PIK3R2: variants seen among roughly 807,000 people sequenced by gnomAD.
PIK3R2 encodes phosphoinositide-3-kinase regulatory subunit 2, also known as phosphatidylinositol 3-kinase regulatory subunit beta.
A neutral mutation model predicts 78.5 loss-of-function variants in PIK3R2; 40 were observed. The observed-to-expected ratio is 0.51, with a 90% CI of 0.40 to 0.66. The LOEUF is 0.66. Ranked by LOEUF, PIK3R2 falls within the 30% of genes least tolerant of loss-of-function variation. PIK3R2 has a pLI of 0.00. For synonymous variants in PIK3R2, 473 were observed against 457.7 expected (o/e 1.03, Z -0.43); for missense variants, 880 against 1,026.6 (o/e 0.86, Z 1.95).
At chr19:18,164,690 C>CTG (rs1240715619) in intron 11 of PIK3R2, among the ~76,000 whole-genome samples, 2 of 145,548 alleles carry the variant, frequency 1.4e-5, no homozygotes. Flanking sequence ...GGCTAGAGTG[C>CTG]TGTGGCATGA....
At chr19:18,162,938 T>C in intron 9 of PIK3R2, 29 bp from the exon 10 acceptor site, 1 of 1,606,296 alleles carries the variant, frequency 6.2e-7, no homozygotes, top group Non-Finnish European at 8.5e-7. Flanking sequence ...GGGGTCCCAC[T>C]GGGTGCCGAC....
intron 11 of PIK3R2, among the ~76,000 whole-genome samples, chr19:18,165,717 A>G (rs1223816140): frequency 1.3e-5 from 2 of 152,158 alleles, no homozygotes; most frequent in Non-Finnish European, 2.9e-5. Context: ...TGGACAAGAC[A>G]GTTGTCCAGG....
At position 18,166,274 on chromosome 19, in the gene PIK3R2, C is replaced by T. The variant is rs139351110; in HGVS notation, c.1531C>T (p.Arg511Cys). Residue 511 changes from arginine (R) to cysteine (C), a missense_variant, in exon 12 of 16, where the codon CGT (arginine) becomes TGT (cysteine). Physicochemically the swap from Arg to Cys is radical, Grantham distance 180. Transcript: ENST00000222254. ...CSKEYLERFR[R>C]EGNEKEMQRI... ...CAAGGAATACCTGGAGCGCTTCCGG[C>T]GTGAGGGCAACGAGAAAGAGATGCA... 7 of 1,613,986 alleles carry T rather than the reference C, an allele frequency of 4.3e-6. No individual in the cohort carries two copies. The African/African-American group carries it at 8.0e-5, about 18-fold the overall frequency.
Position 18,167,230 on chromosome 19 carries a change from A to C in PIK3R2, c.1660A>C (p.Arg554=), listed in dbSNP as rs1242487493. Residue 554 remains arginine (R), a synonymous_variant, in exon 13 of 16, where the codon AGA becomes CGA. Transcript: ENST00000222254. This position sits in a 1 kb window ranked among gnomAD's most constrained non-coding sequence, Gnocchi z 4.5. ...QQLRAQASDN[R]EIDKRMNSLK... is the part of the protein sequence containing the mutation. ...GCTGCGGGCCCAGGCCTCGGACAACAGAGAGATCGACAAGCGCATGAACAG... is the reference window on the plus strand; with the variant it reads ...GCTGCGGGCCCAGGCCTCGGACAACCGAGAGATCGACAAGCGCATGAACAG... 1 of 1,613,064 alleles carries C rather than the reference A, an allele frequency of 6.2e-7. No individual in the cohort carries two copies. Among genetic ancestry groups the C allele is most frequent in the East Asian group, 2.2e-5 (1 of 44,738 alleles).
chr19:18,161,287 G>T lies in PIK3R2; in HGVS notation c.607G>T (p.Gly203Trp). The T allele has an allele frequency of 7.2e-7, 1 of 1,388,150 alleles. No individual in the cohort carries two copies. The highest frequency in any genetic ancestry group is 9.3e-7 in the Non-Finnish European group (1 of 1,079,180). 86.0% of individuals were successfully genotyped at this position (1,388,150 alleles called of 1,614,324 possible). The part of the protein sequence containing the change: ...EARRALREAA[G>W]PVGPALEPPT... ...TGGCCATCTGTCCGCAGAGGCCGCG[G>T]GGCCCGTGGGGCCGGCGCTGGAGCC... The change falls in exon 6 of 16, where the codon GGG becomes TGG. Residue 203 changes from glycine (G) to tryptophan (W), a missense_variant. Physicochemically the swap from Gly to Trp is radical, Grantham distance 184. Coordinates refer to ENST00000222254, the MANE Select transcript of PIK3R2 (RefSeq NM_005027.4). The surrounding 1 kb of genome is among the most constrained non-coding windows in gnomAD (Gnocchi z 5.3).
chr19:18,162,653 G>A lies in PIK3R2; in HGVS notation c.1109+147G>A. The A allele has an allele frequency of 4.4e-6, 3 of 687,918 alleles. No individual in the cohort carries two copies. In the East Asian group the frequency reaches 8.2e-5, roughly 19 times the overall value. 42.6% of individuals were successfully genotyped at this position (687,918 alleles called of 1,614,324 possible). A position where few individuals can be genotyped will look rare whatever the true frequency, so the allele number is the denominator to read the frequency against. On this transcript the variant is annotated intron_variant, in intron 9 of 15. Coordinates refer to ENST00000222254, the MANE Select transcript of PIK3R2 (RefSeq NM_005027.4). ...AATCCCAGCACTTTGGGAGGCTGAG[G>A]CTGGCAGAACACCTGAGGTCAGGAG... is the stretch of plus-strand genomic sequence containing the variant.
rs543973599 is a variant in PIK3R2, at chr19:18,161,627, T to C, written c.815+132T>C. Reference sequence around the variant, plus strand: ...GGGTCCAGAGTGAGAAGCTGCGTTCTTGTGATGACGGAGCGGAGACCTGGG... The same window carrying C: ...GGGTCCAGAGTGAGAAGCTGCGTTCCTGTGATGACGGAGCGGAGACCTGGG... On this transcript the variant is annotated intron_variant, in intron 6 of 15. Transcript: ENST00000222254. This position sits in a 1 kb window ranked among gnomAD's most constrained non-coding sequence, Gnocchi z 5.3. 1.0e-4 allele frequency: 51 copies of C among 491,734 alleles called. No individual in the cohort carries two copies. The highest frequency in any genetic ancestry group is 7.3e-4 in the South Asian group (20 of 27,304). The allele number at this position is 491,734 out of a possible 1,614,324, so 30.5% of individuals were successfully genotyped here.
At position 18,169,370 on chromosome 19, in the gene PIK3R2, AC is replaced by A; in HGVS notation, c.*78del. On this transcript the variant is annotated 3_prime_UTR_variant, in exon 16 of 16. Coordinates refer to ENST00000222254, the MANE Select transcript of PIK3R2 (RefSeq NM_005027.4). ...GAGGCTGCGGCGGCGGGAGCCACGG[AC>A]CAGACCAGCCACATCCAGGGGTCCT... 2.4e-6 allele frequency: 2 copies of A among 825,028 alleles called. No individual in the cohort carries two copies. Among genetic ancestry groups the A allele is most frequent in the Non-Finnish European group, 3.3e-6 (2 of 614,926 alleles). The allele number at this position is 825,028 out of a possible 1,614,324, so 51.1% of individuals were successfully genotyped here.
Position 18,169,233 on chromosome 19 carries a change from C to G in PIK3R2, c.2126C>G (p.Thr709Ser), listed in dbSNP as rs1256718573. The G allele has an allele frequency of 6.3e-7, 1 of 1,595,074 alleles. No homozygotes were observed. Among genetic ancestry groups the G allele is most frequent in the Non-Finnish European group, 8.5e-7 (1 of 1,176,934 alleles). The change falls in exon 16 of 16, where the codon ACC becomes AGC. Residue 709 changes from threonine to serine, a missense_variant. Physicochemically the swap from Thr to Ser is moderately conservative, Grantham distance 58. Coordinates refer to ENST00000222254, the MANE Select transcript of PIK3R2 (RefSeq NM_005027.4). ...CTGGTGCAGCACAACGACGCGCTCA[C>G]CGTCACCCTGGCGCACCCAGTGCGC... is the stretch of plus-strand genomic sequence containing the variant. ...ASLVQHNDAL[T>S]VTLAHPVRAP...
intron 2 of PIK3R2, 67 bp from the exon 3 acceptor site, chr19:18,160,404 C>T: frequency 4.0e-6 from 4 of 989,012 alleles, no homozygotes; most frequent in Non-Finnish European, 6.5e-6. Flanking sequence ...GTTCAGCCAG[C>T]AAAGAGAGGG....
Position 18,170,420 on chromosome 19 carries a change from A to C in PIK3R2, c.*1126A>C, listed in dbSNP as rs1967159727. The stretch of plus-strand genomic sequence containing the variant: ...CCTCTTTCCTCTCCTCTTTTGGGAC[A>C]AGAGCCCTGGTTTTCTACGCTGCCC... On this transcript the variant is annotated 3_prime_UTR_variant, in exon 16 of 16. Coordinates refer to ENST00000222254, the MANE Select transcript of PIK3R2 (RefSeq NM_005027.4). The C allele has an allele frequency of 6.6e-6, 1 of 152,076 alleles. No individual in the cohort carries two copies. The highest frequency in any genetic ancestry group is 2.4e-5 in the African/African-American group (1 of 41,390). 9.4% of individuals were successfully genotyped at this position (152,076 alleles called of 1,614,324 possible). A position where few individuals can be genotyped will look rare whatever the true frequency, so the allele number is the denominator to read the frequency against.
Position 18,169,727 on chromosome 19 carries a change from G to C in PIK3R2, c.*433G>C, listed in dbSNP as rs1967136725. The C allele has an allele frequency of 4.9e-6, 1 of 206,024 alleles. No individual in the cohort carries two copies. Among genetic ancestry groups the C allele is most frequent in the African/African-American group, 2.3e-5 (1 of 43,708 alleles). 12.8% of individuals were successfully genotyped at this position (206,024 alleles called of 1,614,324 possible). On this transcript the variant is annotated 3_prime_UTR_variant, in exon 16 of 16. Coordinates refer to ENST00000222254, the MANE Select transcript of PIK3R2 (RefSeq NM_005027.4). ...TGGGCACCCTGATTTTTAAGCCATA[G>C]ACCTGGGGTCAGGGCAGGAAGGAAC...
At chr19:18,166,791 A>G (rs960632363) in intron 12 of PIK3R2, among the ~76,000 whole-genome samples, 3 of 151,766 alleles carry the variant, frequency 2.0e-5, no homozygotes, top group Admixed American at 6.6e-5. Context: ...CAGCATATGC[A>G]CAGGCTCAGA....
At chr19:18,169,010 G>T (rs959013718) in intron 15 of PIK3R2, 77 bp from the exon 16 acceptor site, 15 of 1,556,728 alleles carry the variant, frequency 9.6e-6, no homozygotes, top group Non-Finnish European at 9.7e-6. Flanking sequence ...CGGGACAGGG[G>T]AGCACGCGGC....
chr19:18,163,954 C>T (rs1413996402), intron 11 of PIK3R2, among the ~76,000 whole-genome samples: 1 of 152,024 alleles, frequency 6.6e-6, no homozygotes, highest in East Asian at 1.9e-4. Flanking sequence ...TGTTGAAACC[C>T]TGTCTCTACT....
rs201176148 is a variant in PIK3R2, at chr19:18,166,149, C to T, written c.1417-11C>T. Reference sequence around the variant, plus strand: ...GTCCCAGGAGGTGCTGAGCTGCGCCCCCTCCTCCAGGAGCTGCAGATGAAG... The same window carrying T: ...GTCCCAGGAGGTGCTGAGCTGCGCCTCCTCCTCCAGGAGCTGCAGATGAAG... On this transcript the variant is annotated splice_polypyrimidine_tract_variant and intron_variant, in intron 11 of 15. Coordinates refer to ENST00000222254, the MANE Select transcript of PIK3R2 (RefSeq NM_005027.4). 2.6e-5 allele frequency: 42 copies of T among 1,613,786 alleles called. No homozygotes were observed. The East Asian group carries it at 9.4e-4, about 36-fold the overall frequency.
At chr19:18,162,373 T>C (rs1239660208) in intron 8 of PIK3R2, 35 bp from the exon 9 acceptor site, 1 of 1,605,414 alleles carries the variant, frequency 6.2e-7, no homozygotes, top group Admixed American at 1.7e-5. Flanking sequence ...GGTCTCCAGG[T>C]GGCTCGGCAG....
In PIK3R2 at chr19:18,160,462, C is replaced by T; in HGVS notation, c.323-9C>T. On this transcript the variant is annotated splice_polypyrimidine_tract_variant and intron_variant, in intron 2 of 15. Transcript: ENST00000222254. Reference sequence around the variant, plus strand: ...CACCAACATGCAACCCCCCTGTTTCCCCCACCAGGCCTCACACTCCCCGAC... The same window carrying T: ...CACCAACATGCAACCCCCCTGTTTCTCCCACCAGGCCTCACACTCCCCGAC... The T allele has an allele frequency of 6.3e-7, 1 of 1,577,966 alleles. No homozygotes were observed. The highest frequency in any genetic ancestry group is 8.7e-7 in the Non-Finnish European group (1 of 1,147,102).
rs1436111794 is a variant in PIK3R2 at position 18,161,041 on chromosome 19, C to G, written c.467-13C>G. Reference sequence around the variant, plus strand: ...TACACATGAGTTGGACGTGTGCCCCCCTGCACCCGCAGACTGGTCCCTGAG... The same window carrying G: ...TACACATGAGTTGGACGTGTGCCCCGCTGCACCCGCAGACTGGTCCCTGAG... On this transcript the variant is annotated splice_polypyrimidine_tract_variant and intron_variant, in intron 4 of 15. Transcript: ENST00000222254. This position sits in a 1 kb window ranked among gnomAD's most constrained non-coding sequence, Gnocchi z 5.3. The G allele has an allele frequency of 6.2e-7, 1 of 1,611,104 alleles. No individual in the cohort carries two copies. The highest frequency in any genetic ancestry group is 8.5e-7 in the Non-Finnish European group (1 of 1,179,176).
Sources: gnomAD v4.1 joint callset for allele counts (sites outside exome capture counted in the v4.1 genomes callset) on GRCh38, gnomAD v4.1.1 for gene constraint, Gnocchi (gnomAD v3.1) non-coding constraint, MANE v1.5 for transcripts, NCBI Gene and HGNC (gene_info 2026-07-23, HGNC 2026-07-21) for gene names.